TMEM74: variants seen among roughly 807,000 people sequenced by gnomAD.
TMEM74 encodes the protein transmembrane protein 74.
TMEM74 carries 13 observed loss-of-function variants against 18.1 expected under a neutral mutation model. The ratio of observed to expected loss-of-function variants is 0.72; its 90% CI spans 0.47 to 1.14. The LOEUF is 1.14. Among genes scored for constraint, TMEM74 ranks in the 50% most tolerant of loss-of-function variants. The pLI, the probability that TMEM74 is intolerant of heterozygous loss-of-function variation, is 0.00. For missense variants in TMEM74, 372 were observed against 375.9 expected (o/e 0.99, Z 0.09); for synonymous variants, 159 against 146.6 (o/e 1.08, Z -0.61).
At chr8:108,752,693 C>G (rs1813915503) in intron 1 of TMEM74, among the ~76,000 whole-genome samples, 1 of 152,122 alleles carries the variant, frequency 6.6e-6, no homozygotes, top group African/African-American at 2.4e-5. Flanking sequence ...TCAAATACAT[C>G]AGTCTCTGCC....
intron 1 of TMEM74, among the ~76,000 whole-genome samples, chr8:108,712,851 G>A (rs1170660695): frequency 1.3e-5 from 2 of 152,156 alleles, no homozygotes; most frequent in African/African-American, 4.8e-5. Context: ...AAAAGAAACT[G>A]GGGATGGAGT....
chr8:108,672,522 C>T (rs765664155), intron 1 of TMEM74, among the ~76,000 whole-genome samples: 1 of 152,174 alleles, frequency 6.6e-6, no homozygotes, highest in Non-Finnish European at 1.5e-5. Flanking sequence ...GGGACCAGCA[C>T]AGCTGCTTTC....
intron 1 of TMEM74, among the ~76,000 whole-genome samples, chr8:108,683,744 T>G (rs1005982997): frequency 6.6e-6 from 1 of 152,012 alleles, no homozygotes; most frequent in African/African-American, 2.4e-5. Flanking sequence ...GATTAAACAT[T>G]TATCATATTC....
intron 1 of TMEM74, among the ~76,000 whole-genome samples, chr8:108,754,364 G>C (rs1463596677): frequency 6.6e-6 from 1 of 151,952 alleles, no homozygotes; most frequent in Non-Finnish European, 1.5e-5. Context: ...CTATATGGTA[G>C]ACAGGCCTAA....
intron 1 of TMEM74, among the ~76,000 whole-genome samples, chr8:108,666,467 C>A (rs1374561383): frequency 6.6e-6 from 1 of 152,126 alleles, no homozygotes; most frequent in Non-Finnish European, 1.5e-5. Context: ...CACCAGGGGG[C>A]TTCCTGGACC....
intron 1 of TMEM74, among the ~76,000 whole-genome samples, chr8:108,663,761 A>G (rs1042320285): frequency 6.6e-6 from 1 of 152,206 alleles, no homozygotes; most frequent in African/African-American, 2.4e-5. Flanking sequence ...CATATACAAC[A>G]TGGAATACTA....
In TMEM74 at chr8:108,670,926, A is replaced by G. The variant is rs114226239; in HGVS notation, n.120-15489T>C. On this transcript the variant is annotated intron_variant and non_coding_transcript_variant, in intron 1 of 3. Coordinates refer to the TMEM74 transcript ENST00000518838. ...CGAATCAAAGTTCCAAGAATGACCA[A>G]TTGTGCTCATTAATAATAAAAAGGC... 4.1e-3 allele frequency among the ~76,000 whole-genome samples: 625 copies of G among 152,262 alleles called. 5 individuals are homozygous for G. The highest frequency in any genetic ancestry group is 0.014 in the African/African-American group (595 of 41,566).
downstream of TMEM74, among the ~76,000 whole-genome samples, chr8:108,778,054 C>T (rs1178807860): frequency 6.6e-6 from 1 of 151,572 alleles, no homozygotes; most frequent in East Asian, 1.9e-4. Context: ...CATTTTTGGC[C>T]CCCAGTATAA....
intron 1 of TMEM74, among the ~76,000 whole-genome samples, chr8:108,785,501 A>G (rs1814374326): frequency 6.6e-6 from 1 of 152,164 alleles, no homozygotes; most frequent in Admixed American, 6.5e-5. Flanking sequence ...TAAAAAGACA[A>G]ATGAGAAAGG....
At chr8:108,656,047 G>A (rs1812818352) in intron 1 of TMEM74, among the ~76,000 whole-genome samples, 1 of 152,110 alleles carries the variant, frequency 6.6e-6, no homozygotes, top group Non-Finnish European at 1.5e-5. Context: ...GGGGCCAGAA[G>A]TGCTCTTATT....
chr8:108,694,796 G>A (rs1234326031), intron 1 of TMEM74, among the ~76,000 whole-genome samples: 1 of 152,220 alleles, frequency 6.6e-6, no homozygotes, highest in Admixed American at 6.5e-5. Flanking sequence ...TGTATGTGAA[G>A]TTTAGTTCCT....
At chr8:108,714,144 G>A (rs1391199) in intron 1 of TMEM74, among the ~76,000 whole-genome samples, 56,272 of 151,920 alleles carry the variant, frequency 0.37, 10,949 homozygotes, top group East Asian at 0.6. Context: ...CACCCTCACA[G>A]ACACCCCAAA....
chr8:108,616,708 A>G (rs902401127), intron 2 of TMEM74, among the ~76,000 whole-genome samples: 2 of 152,158 alleles, frequency 1.3e-5, no homozygotes, highest in African/African-American at 4.8e-5. Context: ...ACTAGCTTCC[A>G]AGTTTGTTGC....
chr8:108,686,091 T>C (rs555560958), intron 1 of TMEM74, among the ~76,000 whole-genome samples: 2 of 152,184 alleles, frequency 1.3e-5, no homozygotes, highest in Non-Finnish European at 2.9e-5. Context: ...ATGAAAGTTA[T>C]GAGTTTCTTT....
chr8:108,661,949 A>G (rs1000871453), intron 1 of TMEM74, among the ~76,000 whole-genome samples: 12 of 152,196 alleles, frequency 7.9e-5, no homozygotes, highest in Non-Finnish European at 1.5e-4. Flanking sequence ...GTGAAAAAGG[A>G]TGATACAACT....
intron 2 of TMEM74, among the ~76,000 whole-genome samples, chr8:108,630,859 G>A (rs961580140): frequency 4.6e-5 from 7 of 151,984 alleles, no homozygotes; most frequent in African/African-American, 1.4e-4. Context: ...AGCACTAAAT[G>A]CCCACATCAG....
At chr8:108,649,548 A>G (rs1400162054) in intron 2 of TMEM74, among the ~76,000 whole-genome samples, 1 of 152,196 alleles carries the variant, frequency 6.6e-6, no homozygotes, top group African/African-American at 2.4e-5. Flanking sequence ...TGAGATTTCA[A>G]AGGTTAAGTA....
At chr8:108,718,104 G>C (rs1813546844) in intron 1 of TMEM74, among the ~76,000 whole-genome samples, 1 of 109,496 alleles carries the variant, frequency 9.1e-6, no homozygotes, top group African/African-American at 5.5e-5. Context: ...GACTACAGGC[G>C]CCCGCCACTA....
chr8:108,616,541 G>T (rs1214840595), intron 2 of TMEM74, among the ~76,000 whole-genome samples: 1 of 152,056 alleles, frequency 6.6e-6, no homozygotes, highest in East Asian at 1.9e-4. Context: ...ATATAAAATA[G>T]GGCAAGAATT....
Sources: allele counts gnomAD v4.1 joint callset (sites outside exome capture counted in the v4.1 genomes callset), GRCh38; gene constraint gnomAD v4.1.1; transcripts MANE v1.5; gene names NCBI Gene and HGNC (gene_info 2026-07-23, HGNC 2026-07-21).